The following DMD variants were observed in gnomAD, a reference collection of about 807,000 sequenced individuals.
DMD encodes the protein dystrophin.
In DMD, 63 loss-of-function variants were observed where a neutral mutation model predicts 330.1. The ratio of observed to expected loss-of-function variants is 0.19; its 90% CI spans 0.16 to 0.24. The LOEUF (loss-of-function observed/expected upper bound fraction) is 0.24. Ranked by LOEUF, DMD falls within the 10% of genes least tolerant of loss-of-function variation. The pLI is 1.00. For missense variants in DMD, 3,344 were observed against 2,684.1 expected, an observed-to-expected ratio of 1.25 and a Z score of -5.43; for synonymous variants, 1,223 against 959.8, an observed-to-expected ratio of 1.27 and a Z score of -5.07.
At chrX:32,849,280 A>G (rs1331924757) in intron 3 of DMD, among the ~76,000 whole-genome samples, 2 of 111,878 alleles carry the variant, frequency 1.8e-5, no homozygotes, top group East Asian at 5.6e-4. Context: ...GTTAGACAAG[A>G]TAATAGTTCA....
chrX:31,946,402 A>C (rs1171025670), intron 45 of DMD, among the ~76,000 whole-genome samples: 1 of 111,932 alleles, frequency 8.9e-6, no homozygotes, highest in African/African-American at 3.2e-5. Flanking sequence ...GACAGGTAAT[A>C]TCTTCTACAT....
At chrX:31,181,690 T>A in intron 68 of DMD, among the ~76,000 whole-genome samples, 1 of 112,221 alleles carries the variant, frequency 8.9e-6, no homozygotes, top group South Asian at 3.7e-4. Flanking sequence ...AGCATGACTA[T>A]GGAACAATAA....
At chrX:31,971,818 C>A (rs1489568553) in intron 44 of DMD, among the ~76,000 whole-genome samples, 7 of 111,626 alleles carry the variant, frequency 6.3e-5, no homozygotes, top group Non-Finnish European at 1.3e-4. Context: ...AATAAAATTT[C>A]CAAGCTTTGA....
At chrX:31,472,597 G>C (rs754633220) in intron 59 of DMD, among the ~76,000 whole-genome samples, 1 of 111,805 alleles carries the variant, frequency 8.9e-6, no homozygotes, top group Admixed American at 9.5e-5. Context: ...GCGTTTCTTT[G>C]ACAAATTTCT....
intron 7 of DMD, among the ~76,000 whole-genome samples, chrX:32,773,963 T>C (rs2073897238): frequency 9.0e-6 from 1 of 111,314 alleles, no homozygotes; most frequent in African/African-American, 3.3e-5. Flanking sequence ...ATCTGGCCCA[T>C]CCTGGAACAG....
At chrX:31,392,519 G>C (rs2060726487) in intron 60 of DMD, among the ~76,000 whole-genome samples, 1 of 111,896 alleles carries the variant, frequency 8.9e-6, no homozygotes, top group Non-Finnish European at 1.9e-5. Context: ...CCCTGACCCT[G>C]GTGTCAAGAT....
intron 45 of DMD, among the ~76,000 whole-genome samples, chrX:31,936,389 G>A (rs1349735611): frequency 9.0e-6 from 1 of 111,332 alleles, no homozygotes; most frequent in Non-Finnish European, 1.9e-5. Context: ...TGCCACTATT[G>A]AGCATTATAA....
At chrX:32,332,540 G>A (rs1271327140) in intron 41 of DMD, among the ~76,000 whole-genome samples, 1 of 109,454 alleles carries the variant, frequency 9.1e-6, no homozygotes, top group Non-Finnish European at 1.9e-5. Flanking sequence ...AGAAACGGGG[G>A]AGGATTATTT....
intron 57 of DMD, among the ~76,000 whole-genome samples, chrX:31,479,864 C>T (rs1289078995): frequency 1.8e-5 from 2 of 111,711 alleles, no homozygotes; most frequent in African/African-American, 6.5e-5. Context: ...AAAATTAACA[C>T]TAGAAGCAGA....
chrX:33,125,288 G>A (rs775251703), intron 1 of DMD, among the ~76,000 whole-genome samples: 1 of 110,945 alleles, frequency 9.0e-6, no homozygotes, highest in African/African-American at 3.3e-5. Flanking sequence ...TGTCATCAAA[G>A]CTCTGATTAT....
intron 7 of DMD, among the ~76,000 whole-genome samples, chrX:32,747,724 C>CT (rs1251417230): frequency 1.8e-5 from 2 of 110,670 alleles, no homozygotes; most frequent in East Asian, 5.8e-4. Flanking sequence ...AGGGATCTGC[C>CT]TGCCTTGGCC....
chrX:32,460,775 G>A (rs1266397041), intron 25 of DMD, among the ~76,000 whole-genome samples: 1 of 111,619 alleles, frequency 9.0e-6, no homozygotes, highest in Non-Finnish European at 1.9e-5. Flanking sequence ...CCAATAGAAA[G>A]TAGTTTTCCT....
chrX:31,311,579 T>C (rs1282802064), intron 62 of DMD, among the ~76,000 whole-genome samples: 1 of 111,658 alleles, frequency 9.0e-6, no homozygotes, highest in African/African-American at 3.3e-5. Context: ...ATTCAGGTGG[T>C]GTGATGCCTC....
At chrX:31,585,323 CAAAAAAAAAA>C (rs1213158531) in intron 55 of DMD, among the ~76,000 whole-genome samples, 3 of 36,121 alleles carry the variant, frequency 8.3e-5, no homozygotes, top group African/African-American at 3.5e-4. Context: ...GACCCTGTCT[CAAAAAAAAAA>C]AAAAAAAAAA....
In DMD at chrX:32,464,624, C is replaced by G. The variant is rs916706146; in HGVS notation, c.3238G>C (p.Asp1080His). 9 of 1,210,354 alleles carry G rather than the reference C, an allele frequency of 7.4e-6. No homozygotes were observed. The highest frequency in any genetic ancestry group is 1.0e-5 in the Non-Finnish European group (9 of 894,265). Residue 1080 changes from aspartate (D) to histidine (H), a missense_variant, in exon 24 of 79, where the codon GAT becomes CAT. Coordinates refer to ENST00000357033, the MANE Select transcript of DMD (RefSeq NM_004006.3). ...FLKEEWPALGDSEILKKQLKQ... is the reference protein window; with the variant it reads ...FLKEEWPALGHSEILKKQLKQ... Reference sequence around the variant, plus strand: ...AGCTGCTTTTTTAGAATTTCTGAATCCCCAAGGGCAGGCCATTCCTCCTTC... The same window carrying G: ...AGCTGCTTTTTTAGAATTTCTGAATGCCCAAGGGCAGGCCATTCCTCCTTC...
At chrX:32,441,908 C>A (rs1468831755) in intron 27 of DMD, among the ~76,000 whole-genome samples, 1 of 110,918 alleles carries the variant, frequency 9.0e-6, no homozygotes, top group Non-Finnish European at 1.9e-5. Flanking sequence ...TGGTAAACAT[C>A]ATCGTGAATA....
At chrX:31,610,028 C>G (rs1569554593) in intron 55 of DMD, among the ~76,000 whole-genome samples, 1 of 109,858 alleles carries the variant, frequency 9.1e-6, no homozygotes, top group Non-Finnish European at 1.9e-5. Context: ...CCACTCCATT[C>G]CTCTCTCTCT....
At chrX:32,740,657 G>T (rs779427091) in intron 7 of DMD, among the ~76,000 whole-genome samples, 42 of 111,264 alleles carry the variant, frequency 3.8e-4, no homozygotes, top group African/African-American at 1.2e-3. Flanking sequence ...AATTGGCCTC[G>T]AATCTCATCT....
chrX:31,408,241 T>A (rs2061488467), intron 60 of DMD, among the ~76,000 whole-genome samples: 1 of 111,806 alleles, frequency 8.9e-6, no homozygotes, highest in African/African-American at 3.3e-5. Flanking sequence ...CATGGCTCAC[T>A]AGAGTACTGA....
Sources: gnomAD v4.1 joint callset for allele counts (sites outside exome capture counted in the v4.1 genomes callset) on GRCh38, gnomAD v4.1.1 for gene constraint, MANE v1.5 for transcripts, NCBI Gene and HGNC (gene_info 2026-07-23, HGNC 2026-07-21) for gene names.